CHUK: variants seen among roughly 807,000 people sequenced by gnomAD.
CHUK encodes the protein inhibitor of nuclear factor kappa-B kinase subunit alpha.
In CHUK, 35 loss-of-function variants were observed where a neutral mutation model predicts 104.8. That is an observed-to-expected ratio of 0.33 (90% confidence interval 0.26 to 0.44). The LOEUF (loss-of-function observed/expected upper bound fraction) is 0.44, where lower values mean the gene tolerates loss of function less well. Ranked by LOEUF, CHUK falls within the 20% of genes least tolerant of loss-of-function variation. The pLI, the probability that CHUK is intolerant of heterozygous loss-of-function variation, is 1.00. For missense variants in CHUK, 663 were observed against 902.7 expected, an observed-to-expected ratio of 0.73 and a Z score of 3.40; for synonymous variants, 276 against 291.9, an observed-to-expected ratio of 0.95 and a Z score of 0.56.
chr10:100,200,696 G>T lies in CHUK; in HGVS notation c.1654C>A (p.Arg552Ser), dbSNP rs184250593. 1 of 1,578,484 alleles carries T rather than the reference G, an allele frequency of 6.3e-7. No individual in the cohort carries two copies. The highest frequency in any genetic ancestry group is 8.7e-7 in the Non-Finnish European group (1 of 1,148,054). Reference protein sequence around the residue: ...MELQKSPYGRRQGDLMESLEQ... With the variant: ...MELQKSPYGRSQGDLMESLEQ... Reference sequence around the variant, plus strand: ...AGAGATTCCATCAAGTCTCCCTGACGTCTTCCATAGGGGCTCTTCTGTAGC... The same window carrying T: ...AGAGATTCCATCAAGTCTCCCTGACTTCTTCCATAGGGGCTCTTCTGTAGC... Residue 552 changes from arginine to serine, a missense_variant, in exon 15 of 21, where the codon CGT (arginine) becomes AGT (serine). By Grantham distance (110) the Arg-to-Ser change is moderately radical. Transcript: ENST00000370397.
Position 100,193,316 on chromosome 10 carries a change from A to G in CHUK, c.2090T>C (p.Val697Ala). 1 of 1,614,158 alleles carries G rather than the reference A, an allele frequency of 6.2e-7. No individual in the cohort carries two copies. Among genetic ancestry groups the G allele is most frequent in the South Asian group, 1.1e-5 (1 of 91,088 alleles). The stretch of plus-strand genomic sequence containing the variant: ...AACCCACCCATCTTGAGGAGTTACC[A>G]CACATGACAGAGAATGATCATGTTC... ...SAEHDHSLSC[V>A]VTPQDGETSA... Residue 697 changes from valine to alanine, a missense_variant, in exon 19 of 21, where the codon GTG (valine) becomes GCG (alanine). Around this residue, in one of 5 missense-constraint regions of CHUK, gnomAD observed 311 missense variants for 393.4 expected, o/e 0.79. Coordinates refer to ENST00000370397, the MANE Select transcript of CHUK (RefSeq NM_001278.5).
chr10:100,199,053 A>G (rs1378298131), intron 16 of CHUK, among the ~76,000 whole-genome samples: 1 of 152,194 alleles, frequency 6.6e-6, no homozygotes. Context: ...GAAATGGGAA[A>G]CGCAGATTTG....
At chr10:100,197,996 G>A (rs1030711424) in intron 16 of CHUK, among the ~76,000 whole-genome samples, 1 of 152,214 alleles carries the variant, frequency 6.6e-6, no homozygotes, top group African/African-American at 2.4e-5. Context: ...CTGAGAAGCT[G>A]TCATTCCAGC....
At chr10:100,212,415 T>A (rs1202545398) in intron 9 of CHUK, among the ~76,000 whole-genome samples, 3 of 152,204 alleles carry the variant, frequency 2.0e-5, no homozygotes, top group Non-Finnish European at 4.4e-5. Flanking sequence ...TTTTCATATG[T>A]TTGTTGACCA....
intron 4 of CHUK, among the ~76,000 whole-genome samples, chr10:100,220,960 T>C (rs955081439): frequency 6.6e-6 from 1 of 152,206 alleles, no homozygotes; most frequent in Admixed American, 6.5e-5. Context: ...ATAAGCCTCT[T>C]TCTCCCACCT....
At chr10:100,206,587 C>T (rs1330497182) in intron 11 of CHUK, among the ~76,000 whole-genome samples, 1 of 152,086 alleles carries the variant, frequency 6.6e-6, no homozygotes, top group Non-Finnish European at 1.5e-5. Flanking sequence ...TACATGATGA[C>T]TGTGGTGTGG....
rs555430120 is a variant in CHUK at position 100,214,739 on chromosome 10, A to G, written c.933+3256T>C. Among the ~76,000 whole-genome samples the G allele has an allele frequency of 1.7e-4, 26 of 152,364 alleles. No homozygotes were observed. In the South Asian group the frequency reaches 4.6e-3, roughly 27 times the overall value. On this transcript the variant is annotated intron_variant, in intron 9 of 20. Coordinates refer to ENST00000370397, the MANE Select transcript of CHUK (RefSeq NM_001278.5). ...AATGAAAGGGTCTGGACTTTATTCA[A>G]TAAGTGAAAGAAAACTATGCAAGCC...
intron 9 of CHUK, among the ~76,000 whole-genome samples, chr10:100,210,091 A>ATTTATTTTATTT (rs58570772): frequency 8.2e-6 from 1 of 121,802 alleles, no homozygotes; most frequent in African/African-American, 3.0e-5. Flanking sequence ...TTATTTATTT[A>ATTTATTTTATTT]TTTTTTTTTT....
chr10:100,192,011 G>C (rs917774132), intron 19 of CHUK, among the ~76,000 whole-genome samples: 1 of 152,136 alleles, frequency 6.6e-6, no homozygotes, highest in Admixed American at 6.5e-5. Flanking sequence ...CCAGCTACTC[G>C]GGAAGCTGAA....
intron 13 of CHUK, 35 bp from the exon 14 acceptor site, chr10:100,202,184 T>C: frequency 7.0e-7 from 1 of 1,422,192 alleles, no homozygotes; most frequent in Non-Finnish European, 9.9e-7. Context: ...ATCTCAGAAA[T>C]AGCCATATCT....
intron 5 of CHUK, among the ~76,000 whole-genome samples, chr10:100,220,370 A>G (rs547168071): frequency 6.7e-6 from 1 of 149,806 alleles, no homozygotes; most frequent in East Asian, 2.0e-4. Context: ...AAAGAAAAAG[A>G]AAAAAAAAGC....
At position 100,204,554 on chromosome 10, in the gene CHUK, T is replaced by A; in HGVS notation, c.1459A>T (p.Ile487Phe). 6.2e-7 allele frequency: 1 copy of A among 1,613,708 alleles called. No individual in the cohort carries two copies. The change falls in exon 13 of 21, where the codon ATT (isoleucine) becomes TTT (phenylalanine). Residue 487 changes from isoleucine (I) to phenylalanine (F), a missense_variant. By Grantham distance (21) the Ile-to-Phe change is conservative. This residue lies in a region of CHUK where 311 missense variants were observed against 393.4 expected (regional missense o/e 0.79). Coordinates refer to ENST00000370397, the MANE Select transcript of CHUK (RefSeq NM_001278.5). Reference sequence around the variant, plus strand: ...CTGTATCTCTCCAAGTCAAGCTGAATGCTTTTGTGAAAAAACTCCAATTTA... The same window carrying A: ...CTGTATCTCTCCAAGTCAAGCTGAAAGCTTTTGTGAAAAAACTCCAATTTA... ...KAKLEFFHKS[I>F]QLDLERYSEQ... is the part of the protein sequence containing the mutation.
At chr10:100,226,811 G>C (rs1846115757) in intron 1 of CHUK, among the ~76,000 whole-genome samples, 1 of 152,198 alleles carries the variant, frequency 6.6e-6, no homozygotes, top group South Asian at 2.1e-4. Context: ...TATGAATACA[G>C]AGAGAAGAGC....
At chr10:100,213,498 AAAAAATT>A (rs1337918011) in intron 9 of CHUK, among the ~76,000 whole-genome samples, 1 of 150,680 alleles carries the variant, frequency 6.6e-6, no homozygotes, top group African/African-American at 2.5e-5. Flanking sequence ...AAAAAAAAAA[AAAAAATT>A]AAAAGCGTAT....
chr10:100,215,234 A>G (rs1002720580), intron 9 of CHUK, among the ~76,000 whole-genome samples: 8 of 151,710 alleles, frequency 5.3e-5, no homozygotes, highest in Admixed American at 3.3e-4. Context: ...AAAAAAAAAA[A>G]AAGAAGTAGA....
chr10:100,189,834 C>CTTTTTTTTTTTT (rs34571703), intron 20 of CHUK, among the ~76,000 whole-genome samples: 1 of 139,120 alleles, frequency 7.2e-6, no homozygotes, highest in African/African-American at 2.6e-5. Flanking sequence ...CTTTTCTTTT[C>CTTTTTTTTTTTT]TTTTTTTTTT....
chr10:100,203,360 T>C (rs1050884575), intron 13 of CHUK, among the ~76,000 whole-genome samples: 1 of 152,022 alleles, frequency 6.6e-6, no homozygotes, highest in African/African-American at 2.4e-5. Context: ...GTCTAAGATA[T>C]TTTAATGAAA....
At chr10:100,218,171 G>C (rs760050601) in intron 8 of CHUK, 41 bp from the exon 9 acceptor site, 1 of 1,563,856 alleles carries the variant, frequency 6.4e-7, no homozygotes, top group Non-Finnish European at 8.8e-7. Context: ...AAATCATTAT[G>C]TTCCAATTTC....
chr10:100,222,063 G>C, intron 4 of CHUK, 49 bp downstream of exon 4: 1 of 948,548 alleles, frequency 1.1e-6, no homozygotes, highest in Non-Finnish European at 1.7e-6. Context: ...GATCTTTTAT[G>C]GGCCAAAGGG....
Sources: allele counts gnomAD v4.1 joint callset (sites outside exome capture counted in the v4.1 genomes callset), GRCh38; gene constraint gnomAD v4.1.1; regional missense constraint gnomAD v4.1.1; transcripts MANE v1.5; gene names NCBI Gene and HGNC (gene_info 2026-07-23, HGNC 2026-07-21).